Variants in VPS13B observed in about 807,000 individuals in gnomAD.
VPS13B encodes intermembrane lipid transfer protein VPS13B.
In VPS13B, 285 loss-of-function variants were observed where a neutral mutation model predicts 426.4. That is an observed-to-expected ratio of 0.67 (90% CI 0.61 to 0.74). The LOEUF is 0.74. Ranked by LOEUF, VPS13B falls within the 30% of genes least tolerant of loss-of-function variation. VPS13B has a pLI of 0.00. For missense variants in VPS13B, 4,537 were observed against 4,782.6 expected, an observed-to-expected ratio of 0.95 and a Z score of 1.51; for synonymous variants, 1,676 against 1,676.4, an observed-to-expected ratio of 1.00 and a Z score of 0.01.
intron 39 of VPS13B, among the ~76,000 whole-genome samples, chr8:99,764,763 TAG>T (rs1218987506): frequency 1.3e-5 from 2 of 152,132 alleles, no homozygotes; most frequent in Admixed American, 6.5e-5. Context: ...ATACATCCTA[TAG>T]ATCTGCATGT....
At chr8:99,502,972 T>C (rs752515102) in intron 27 of VPS13B, 22 bp downstream of exon 27, 9 of 1,520,028 alleles carry the variant, frequency 5.9e-6, no homozygotes, top group Non-Finnish European at 8.2e-6. Flanking sequence ...ATAATGAATA[T>C]AAGAAAATCT....
In VPS13B at chr8:99,806,365, T is replaced by C. The variant is rs1326647151; in HGVS notation, c.7942-3010T>C. Among the ~76,000 whole-genome samples the C allele has an allele frequency of 2.6e-5, 4 of 152,208 alleles. 1 individual carries two copies. The highest frequency in any genetic ancestry group is 4.1e-4 in the South Asian group (2 of 4,832). On this transcript the variant is annotated intron_variant, in intron 43 of 61. Transcript: ENST00000357162. ...GGGAAGGAACTATCATCTTTGCCAG[T>C]TGAAATCCTACCCAAACTCTGAGAC...
At chr8:99,019,308 A>C (rs2132145344) in intron 2 of VPS13B, among the ~76,000 whole-genome samples, 1 of 151,456 alleles carries the variant, frequency 6.6e-6, no homozygotes, top group Non-Finnish European at 1.5e-5. Context: ...CTGGGTTCAA[A>C]TGATTTTCCT....
intron 34 of VPS13B, among the ~76,000 whole-genome samples, chr8:99,657,946 C>T (rs1241702077): frequency 6.6e-6 from 1 of 152,116 alleles, no homozygotes; most frequent in Non-Finnish European, 1.5e-5. Flanking sequence ...TCCTTCTCCC[C>T]CAATATAAGA....
chr8:99,424,157 A>C (rs1020246565), intron 21 of VPS13B: 11 of 152,036 alleles, frequency 7.2e-5, no homozygotes, highest in South Asian at 4.1e-4. Flanking sequence ...CTTTACCATT[A>C]TGTAATGGCC....
intron 35 of VPS13B, among the ~76,000 whole-genome samples, chr8:99,665,931 T>C (rs1358294600): frequency 2.6e-5 from 4 of 152,202 alleles, no homozygotes; most frequent in Non-Finnish European, 1.5e-5. Context: ...TTTCACGATA[T>C]TGATTCTTCC....
chr8:99,134,447 C>A (rs1362367016), intron 8 of VPS13B, among the ~76,000 whole-genome samples, 185 bp from the exon 9 acceptor site: 2 of 152,034 alleles, frequency 1.3e-5, no homozygotes. Flanking sequence ...TTGAGACTAG[C>A]ATATTCAACC....
At chr8:99,715,229 C>T (rs1832863965) in intron 36 of VPS13B, among the ~76,000 whole-genome samples, 1 of 151,906 alleles carries the variant, frequency 6.6e-6, no homozygotes, top group Non-Finnish European at 1.5e-5. Context: ...AATTAAGAAA[C>T]ATGTTGAGGC....
chr8:99,221,032 T>G (rs1815688380), intron 17 of VPS13B, among the ~76,000 whole-genome samples: 1 of 96,982 alleles, frequency 1.0e-5, no homozygotes, highest in Non-Finnish European at 2.1e-5. Flanking sequence ...AGTGAGAATA[T>G]GCGGTGTTTG....
chr8:99,048,999 G>A (rs1843378050), intron 3 of VPS13B, among the ~76,000 whole-genome samples: 1 of 152,050 alleles, frequency 6.6e-6, no homozygotes, highest in South Asian at 2.1e-4. Flanking sequence ...TGCTTTTGGT[G>A]TACATTTGCA....
At chr8:99,530,249 G>A (rs1001122437) in intron 30 of VPS13B, among the ~76,000 whole-genome samples, 1 of 151,914 alleles carries the variant, frequency 6.6e-6, no homozygotes, top group African/African-American at 2.4e-5. Flanking sequence ...TAGAAGTAAT[G>A]TCTCCTTCCT....
chr8:99,822,609 G>A (rs1177406988), intron 50 of VPS13B, among the ~76,000 whole-genome samples: 2 of 152,198 alleles, frequency 1.3e-5, no homozygotes, highest in African/African-American at 2.4e-5. Flanking sequence ...ATAAATGTTT[G>A]TGAATCAATG....
chr8:99,146,032 C>T (rs545622997), intron 13 of VPS13B, among the ~76,000 whole-genome samples: 1 of 110,588 alleles, frequency 9.0e-6, no homozygotes, highest in Non-Finnish European at 2.0e-5. Flanking sequence ...TCTGCCATCT[C>T]ATTGTGGTTT....
At chr8:99,475,992 A>T (rs1380970071) in intron 24 of VPS13B, among the ~76,000 whole-genome samples, 1 of 152,268 alleles carries the variant, frequency 6.6e-6, no homozygotes, top group Non-Finnish European at 1.5e-5. Flanking sequence ...AATTGTGTTA[A>T]ACTGTCACCA....
intron 30 of VPS13B, among the ~76,000 whole-genome samples, chr8:99,545,625 G>C (rs755503121): frequency 5.3e-5 from 8 of 152,224 alleles, no homozygotes; most frequent in African/African-American, 1.9e-4. Context: ...TCACGAAATT[G>C]TGTCAGATTT....
intron 39 of VPS13B, among the ~76,000 whole-genome samples, chr8:99,739,380 A>G (rs1006274731): frequency 1.1e-4 from 16 of 152,228 alleles, no homozygotes; most frequent in African/African-American, 3.9e-4. Flanking sequence ...CTGCCTCTGT[A>G]GACTCCACCT....
chr8:99,459,542 T>C lies in VPS13B; in HGVS notation c.3446-7872T>C, dbSNP rs185168182. 9.2e-5 allele frequency among the ~76,000 whole-genome samples: 14 copies of C among 152,318 alleles called. No homozygotes were observed. In the East Asian group the frequency reaches 2.7e-3, roughly 29 times the overall value. Reference sequence around the variant, plus strand: ...GCTATAGCCCATCTGTGGTATAACATATTGCTCTTAGGCTACAAACCTGTA... The same window carrying C: ...GCTATAGCCCATCTGTGGTATAACACATTGCTCTTAGGCTACAAACCTGTA... On this transcript the variant is annotated intron_variant, in intron 23 of 61. Transcript: ENST00000357162.
chr8:99,135,209 CATATA>C, intron 10 of VPS13B, 72 bp downstream of exon 10: 1 of 1,582,284 alleles, frequency 6.3e-7, no homozygotes, highest in Admixed American at 1.7e-5. Flanking sequence ...AGTGTTTAAC[CATATA>C]ATATCTGTTA....
At chr8:99,820,243 A>G in intron 49 of VPS13B, 121 bp downstream of exon 49, 2 of 908,030 alleles carry the variant, frequency 2.2e-6, no homozygotes, top group Non-Finnish European at 3.4e-6. Flanking sequence ...TTAGATGCAT[A>G]TGTAAGAGGT....
Sources: gnomAD v4.1 joint callset for allele counts (sites outside exome capture counted in the v4.1 genomes callset) on GRCh38, gnomAD v4.1.1 for gene constraint, MANE v1.5 for transcripts, NCBI Gene and HGNC (gene_info 2026-07-23, HGNC 2026-07-21) for gene names.